Variants in RAB3C observed in about 807,000 individuals in gnomAD.
RAB3C encodes ras-related protein Rab-3C.
In RAB3C, 17 loss-of-function variants were observed where a neutral mutation model predicts 26.4. The observed-to-expected ratio is 0.64, with a 90% CI of 0.44 to 0.97. The LOEUF (loss-of-function observed/expected upper bound fraction) is 0.97, where lower values mean the gene tolerates loss of function less well. RAB3C is among the 50% of genes least tolerant of loss of function. The probability of loss-of-function intolerance (pLI) is 0.00; values close to 1 mark genes in which losing one functional copy is unlikely to be tolerated. For synonymous variants in RAB3C, 91 were observed against 95.9 expected, an observed-to-expected ratio of 0.95 and a Z score of 0.30; for missense variants, 242 against 281.9, an observed-to-expected ratio of 0.86 and a Z score of 1.01.
chr5:58,850,763 G>C (rs1004394715), intron 4 of RAB3C, among the ~76,000 whole-genome samples: 2 of 152,174 alleles, frequency 1.3e-5, no homozygotes, highest in African/African-American at 4.8e-5. Flanking sequence ...TGGTGCGCTA[G>C]GGGTTGAGGG....
intron 2 of RAB3C, among the ~76,000 whole-genome samples, chr5:58,635,028 T>C (rs1192922178): frequency 6.6e-6 from 1 of 152,144 alleles, no homozygotes; most frequent in African/African-American, 2.4e-5. Context: ...TTGAATTCAA[T>C]TAACTAAAGG....
chr5:58,599,202 G>T (rs1001488644), intron 1 of RAB3C, among the ~76,000 whole-genome samples: 1 of 152,152 alleles, frequency 6.6e-6, no homozygotes, highest in Non-Finnish European at 1.5e-5. Context: ...TTTCAGAGAT[G>T]CATCTGCATG....
At chr5:58,653,390 C>T (rs751852709) in intron 2 of RAB3C, among the ~76,000 whole-genome samples, 30 of 152,252 alleles carry the variant, frequency 2.0e-4, no homozygotes, top group South Asian at 1.0e-3. Flanking sequence ...GACAGTGTGG[C>T]GATTCCTCAA....
intron 3 of RAB3C, among the ~76,000 whole-genome samples, chr5:58,804,960 A>G (rs1742901983): frequency 6.6e-6 from 1 of 151,316 alleles, no homozygotes; most frequent in Non-Finnish European, 1.5e-5. Flanking sequence ...TGTACATACT[A>G]GATATTGCAG....
chr5:58,731,129 C>T (rs1741010929), intron 3 of RAB3C, among the ~76,000 whole-genome samples: 1 of 152,074 alleles, frequency 6.6e-6, no homozygotes, highest in South Asian at 2.1e-4. Context: ...CGGGTGGAGA[C>T]ACAGCCAAAC....
intron 2 of RAB3C, among the ~76,000 whole-genome samples, chr5:58,655,597 A>T (rs1035209370): frequency 1.1e-4 from 17 of 152,064 alleles, no homozygotes; most frequent in Non-Finnish European, 2.4e-4. Flanking sequence ...AATTAACAAA[A>T]TTTTTTTTAA....
rs370029756 is a variant in RAB3C at position 58,659,679 on chromosome 5, AAAGT to A, written c.252+41814_252+41817del. ...CCCCACTGATTTTCTTATAGAAAAG[AAAGT>A]AAGTCTGAAAACTTGTCAATATTAA... is the stretch of plus-strand genomic sequence containing the variant. On this transcript the variant is annotated intron_variant, in intron 2 of 4. Transcript: ENST00000282878. Among the ~76,000 whole-genome samples the A allele has an allele frequency of 4.5e-4, 68 of 152,362 alleles. No individual in the cohort carries two copies. In the East Asian group the frequency reaches 6.9e-3, roughly 16 times the overall value.
intron 3 of RAB3C, among the ~76,000 whole-genome samples, chr5:58,742,330 C>T (rs147991488): frequency 8.0e-5 from 12 of 149,844 alleles, no homozygotes; most frequent in Admixed American, 2.7e-4. Flanking sequence ...CTCATCAAAA[C>T]ACCCATGTCA....
chr5:58,702,326 G>A (rs1748861374), intron 2 of RAB3C, among the ~76,000 whole-genome samples: 1 of 152,032 alleles, frequency 6.6e-6, no homozygotes, highest in Non-Finnish European at 1.5e-5. Flanking sequence ...GGCTGTGTGT[G>A]CTTCATCCAT....
chr5:58,843,331 T>C (rs55931643), intron 4 of RAB3C, among the ~76,000 whole-genome samples: 35,812 of 152,200 alleles, frequency 0.24, 4,292 homozygotes, highest in Non-Finnish European at 0.26. Context: ...ATAATGCATA[T>C]GTTATTGTAA....
intron 2 of RAB3C, among the ~76,000 whole-genome samples, chr5:58,697,461 C>T (rs1748739007): frequency 6.6e-6 from 1 of 152,090 alleles, no homozygotes; most frequent in Non-Finnish European, 1.5e-5. Flanking sequence ...GAGCTGAGTT[C>T]AGGTCCTGGA....
chr5:58,850,058 A>T (rs897564813), intron 4 of RAB3C, among the ~76,000 whole-genome samples: 1 of 152,200 alleles, frequency 6.6e-6, no homozygotes, highest in African/African-American at 2.4e-5. Flanking sequence ...ATCCTAAATC[A>T]ACGTCCCCTG....
chr5:58,713,398 G>A (rs771519410), intron 2 of RAB3C, among the ~76,000 whole-genome samples: 24 of 152,108 alleles, frequency 1.6e-4, no homozygotes, highest in Non-Finnish European at 3.2e-4. Context: ...TTTTAAACAC[G>A]ACGTTAATCA....
At chr5:58,592,603 G>A (rs569852109) in intron 1 of RAB3C, among the ~76,000 whole-genome samples, 1 of 152,104 alleles carries the variant, frequency 6.6e-6, no homozygotes, top group East Asian at 1.9e-4. Flanking sequence ...AGATCTGCTG[G>A]CAATTCATTC....
intron 2 of RAB3C, among the ~76,000 whole-genome samples, chr5:58,700,473 A>G (rs932471810): frequency 1.3e-5 from 2 of 152,192 alleles, no homozygotes; most frequent in Non-Finnish European, 2.9e-5. Flanking sequence ...CCAGTTTAAG[A>G]CTTTTATTTC....
chr5:58,583,153 G>T lies in RAB3C; in HGVS notation c.-56G>T. ...TGGAGCGCCGGGACTGTGCACGCTT[G>T]ACCGGAAGCCCAGACCAGTGCGGTC... On this transcript the variant is annotated 5_prime_UTR_variant, in exon 1 of 5. Transcript: ENST00000282878. 6.2e-7 allele frequency: 1 copy of T among 1,613,444 alleles called. No individual in the cohort carries two copies. The highest frequency in any genetic ancestry group is 1.1e-5 in the South Asian group (1 of 90,940).
intron 3 of RAB3C, among the ~76,000 whole-genome samples, chr5:58,806,539 C>T (rs1378985801): frequency 6.6e-6 from 1 of 152,228 alleles, no homozygotes; most frequent in East Asian, 1.9e-4. Context: ...AAAAGAAAAC[C>T]CTTGGTTCTG....
intron 2 of RAB3C, among the ~76,000 whole-genome samples, chr5:58,660,981 C>G (rs970120605): frequency 6.8e-6 from 1 of 146,290 alleles, no homozygotes; most frequent in African/African-American, 2.6e-5. Context: ...AACTAACAGC[C>G]TCTCTCACAC....
chr5:58,824,880 T>C lies in RAB3C; in HGVS notation c.372-158T>C, dbSNP rs189155580. Among the ~76,000 whole-genome samples, 302 of 152,268 alleles carry C rather than the reference T, an allele frequency of 2.0e-3. 2 individuals carry two copies. The highest frequency in any genetic ancestry group is 3.2e-3 in the Non-Finnish European group (218 of 68,034). ...TCTGATGAGTATCTGAAGGGTAAAATTGCACTCAACTAATTAACTCTAAAT... is the reference window on the plus strand; with the variant it reads ...TCTGATGAGTATCTGAAGGGTAAAACTGCACTCAACTAATTAACTCTAAAT... On this transcript the variant is annotated intron_variant, in intron 3 of 4. Transcript: ENST00000282878.
Sources: gnomAD v4.1 joint callset for allele counts (sites outside exome capture counted in the v4.1 genomes callset) on GRCh38, gnomAD v4.1.1 for gene constraint, MANE v1.5 for transcripts, NCBI Gene and HGNC (gene_info 2026-07-23, HGNC 2026-07-21) for gene names.